Variants in ADGRB3 observed in about 807,000 individuals in gnomAD.
ADGRB3 encodes adhesion G protein-coupled receptor B3.
In ADGRB3, 37 loss-of-function variants were observed where a neutral mutation model predicts 193.4. The ratio of observed to expected loss-of-function variants is 0.19; its 90% confidence interval spans 0.15 to 0.25. ADGRB3 has a LOEUF of 0.25. Among genes scored for constraint, ADGRB3 ranks in the 10% least tolerant of loss-of-function variants. ADGRB3 has a pLI of 1.00. For synonymous variants in ADGRB3, 690 were observed against 644.2 expected (o/e 1.07, Z -1.08); for missense variants, 1,637 against 1,852.9 (o/e 0.88, Z 2.14).
intron 17 of ADGRB3, among the ~76,000 whole-genome samples, chr6:69,144,021 T>C (rs188286643): frequency 1.3e-5 from 2 of 152,350 alleles, no homozygotes; most frequent in Admixed American, 1.3e-4. Flanking sequence ...GAACACAGAA[T>C]ACCTTTCCTT....
At chr6:69,344,067 G>T (rs1393038239) in intron 26 of ADGRB3, among the ~76,000 whole-genome samples, 1 of 152,150 alleles carries the variant, frequency 6.6e-6, no homozygotes, top group Non-Finnish European at 1.5e-5. Flanking sequence ...GCTGTGCCTG[G>T]CTCTAAGACA....
chr6:69,197,139 AG>A (rs955556600), intron 17 of ADGRB3, among the ~76,000 whole-genome samples: 1 of 152,024 alleles, frequency 6.6e-6, no homozygotes, highest in Non-Finnish European at 1.5e-5. Context: ...GCAAGACAAA[AG>A]GTTTTTTAAA....
At chr6:69,313,271 A>G (rs1020910949) in intron 20 of ADGRB3, among the ~76,000 whole-genome samples, 1 of 151,848 alleles carries the variant, frequency 6.6e-6, no homozygotes, top group Non-Finnish European at 1.5e-5. Context: ...GGTGATACCA[A>G]TGTGCAGCCA....
At position 69,170,285 on chromosome 6, in the gene ADGRB3, A is replaced by G. The variant is rs536198544; in HGVS notation, c.2481-63005A>G. On this transcript the variant is annotated intron_variant, in intron 17 of 31. Coordinates refer to ENST00000370598, the MANE Select transcript of ADGRB3 (RefSeq NM_001704.3). ...ATAAAGCATTTGATAAAAAGCCTAG[A>G]TCTAGACTGTTTGAATGATGTGGAT... 4.6e-5 allele frequency among the ~76,000 whole-genome samples: 7 copies of G among 152,268 alleles called. No homozygotes were observed. In the South Asian group the frequency reaches 1.4e-3, roughly 32 times the overall value.
At chr6:68,819,971 T>C (rs144522844) in intron 3 of ADGRB3, among the ~76,000 whole-genome samples, 270 of 152,150 alleles carry the variant, frequency 1.8e-3, no homozygotes, top group African/African-American at 6.2e-3. Context: ...ACATAATCTC[T>C]TTTTCTATCC....
At chr6:68,791,540 G>T in intron 3 of ADGRB3, among the ~76,000 whole-genome samples, 2 of 152,112 alleles carry the variant, frequency 1.3e-5, no homozygotes, top group Admixed American at 1.3e-4. Context: ...GCTGGTTATT[G>T]CAGAGACACT....
intron 3 of ADGRB3, among the ~76,000 whole-genome samples, chr6:68,781,180 C>T (rs1257259589): frequency 1.3e-5 from 2 of 152,092 alleles, no homozygotes; most frequent in Admixed American, 6.6e-5. Flanking sequence ...TTGTCTTCAG[C>T]GAAATCATAA....
chr6:68,853,535 A>T (rs1768448112), intron 3 of ADGRB3, among the ~76,000 whole-genome samples: 1 of 152,122 alleles, frequency 6.6e-6, no homozygotes, highest in Non-Finnish European at 1.5e-5. Flanking sequence ...GTAGGTATTG[A>T]GAAAACAATT....
chr6:68,925,124 A>G (rs917754450), intron 3 of ADGRB3, among the ~76,000 whole-genome samples: 6 of 151,878 alleles, frequency 4.0e-5, no homozygotes, highest in African/African-American at 9.7e-5. Flanking sequence ...TATCCTCTCT[A>G]TCTTTTCACA....
chr6:68,877,531 T>C (rs1057228525), intron 3 of ADGRB3, among the ~76,000 whole-genome samples: 1 of 152,154 alleles, frequency 6.6e-6, no homozygotes, highest in African/African-American at 2.4e-5. Context: ...TTCACAGTTA[T>C]ACTTTCATTG....
At chr6:68,729,378 C>T (rs1765729962) in intron 3 of ADGRB3, among the ~76,000 whole-genome samples, 2 of 151,602 alleles carry the variant, frequency 1.3e-5, no homozygotes, top group African/African-American at 4.8e-5. Context: ...GACTATAGTA[C>T]AGAAATGATA....
intron 3 of ADGRB3, among the ~76,000 whole-genome samples, chr6:68,715,447 C>T (rs1160286732): frequency 1.3e-5 from 2 of 151,456 alleles, no homozygotes; most frequent in African/African-American, 4.8e-5. Context: ...ATATTAGACC[C>T]TTTTCAATAA....
intron 17 of ADGRB3, among the ~76,000 whole-genome samples, chr6:69,149,653 T>C (rs1774610021): frequency 6.6e-6 from 1 of 152,078 alleles, no homozygotes; most frequent in Non-Finnish European, 1.5e-5. Flanking sequence ...GATTGTAGCC[T>C]TCACAGTCTT....
At chr6:68,921,109 G>T (rs1417377402) in intron 3 of ADGRB3, among the ~76,000 whole-genome samples, 1 of 152,040 alleles carries the variant, frequency 6.6e-6, no homozygotes, top group Non-Finnish European at 1.5e-5. Flanking sequence ...AAAATAAACA[G>T]CAAGAAAACA....
intron 3 of ADGRB3, among the ~76,000 whole-genome samples, chr6:68,679,592 C>T (rs532206912): frequency 1.1e-4 from 17 of 152,104 alleles, no homozygotes; most frequent in African/African-American, 3.6e-4. Flanking sequence ...TGGTGGGCAA[C>T]GTGCCATCCA....
At position 69,073,447 on chromosome 6, in the gene ADGRB3, G is replaced by A. The variant is rs1772136515; in HGVS notation, c.2437-2548G>A. Among the ~76,000 whole-genome samples, 6 of 152,092 alleles carry A rather than the reference G, an allele frequency of 3.9e-5. No homozygotes were observed. In the South Asian group the frequency reaches 1.2e-3, roughly 32 times the overall value. On this transcript the variant is annotated intron_variant, in intron 16 of 31. Coordinates refer to ENST00000370598, the MANE Select transcript of ADGRB3 (RefSeq NM_001704.3). ...CTTGTTACATGGCCATGAGAGATTA[G>A]GCTTGCAGACACTTTGAAGGGTGAG...
In ADGRB3 at chr6:69,130,953, G is replaced by C. The variant is rs921150395; in HGVS notation, c.2480+54915G>C. ...GCTATTCAAATGATGAAAGACATAGGGGTTTTTGCTAACTTTTCCTCAAAT... is the reference window on the plus strand; with the variant it reads ...GCTATTCAAATGATGAAAGACATAGCGGTTTTTGCTAACTTTTCCTCAAAT... On this transcript the variant is annotated intron_variant, in intron 17 of 31. Coordinates refer to ENST00000370598, the MANE Select transcript of ADGRB3 (RefSeq NM_001704.3). 3.3e-5 allele frequency among the ~76,000 whole-genome samples: 5 copies of C among 152,054 alleles called. No homozygotes were observed. In the South Asian group the frequency reaches 8.3e-4, roughly 25 times the overall value.
chr6:69,057,662 A>C (rs550071533), intron 15 of ADGRB3, among the ~76,000 whole-genome samples: 5 of 152,042 alleles, frequency 3.3e-5, no homozygotes, highest in Non-Finnish European at 7.4e-5. Context: ...ATTTTGTCAC[A>C]TGCTTTTTAA....
At chr6:69,384,861 C>T (rs1404493223) in intron 31 of ADGRB3, among the ~76,000 whole-genome samples, 1 of 151,786 alleles carries the variant, frequency 6.6e-6, no homozygotes, top group African/African-American at 2.4e-5. Context: ...TTAATTTAGT[C>T]ACATAATTTG....
Sources: gnomAD v4.1 joint callset for allele counts (sites outside exome capture counted in the v4.1 genomes callset) on GRCh38, gnomAD v4.1.1 for gene constraint, MANE v1.5 for transcripts, NCBI Gene and HGNC (gene_info 2026-07-23, HGNC 2026-07-21) for gene names.